Variants in STT3B observed in about 807,000 individuals in gnomAD.
The protein encoded by STT3B is STT3 oligosaccharyltransferase complex catalytic subunit B.
Under a neutral mutation model 96.8 loss-of-function variants are expected in STT3B, and 29 were observed. That is an observed-to-expected ratio of 0.30 (90% CI 0.22 to 0.41). The LOEUF (loss-of-function observed/expected upper bound fraction) is 0.41, where lower values mean the gene tolerates loss of function less well. STT3B is among the 10% of genes least tolerant of loss of function. The pLI, the probability that STT3B is intolerant of heterozygous loss-of-function variation, is 1.00. For synonymous variants in STT3B, 367 were observed against 360.0 expected, an observed-to-expected ratio of 1.02 and a Z score of -0.22; for missense variants, 640 against 1,022.3, an observed-to-expected ratio of 0.63 and a Z score of 5.10.
At chr3:31,556,686 G>A (rs1697719743) in intron 1 of STT3B, among the ~76,000 whole-genome samples, 2 of 152,088 alleles carry the variant, frequency 1.3e-5, no homozygotes, top group African/African-American at 4.8e-5. Context: ...TTGGCCATTT[G>A]TATGTCTTCT....
chr3:31,597,706 A>G (rs1698822935), intron 4 of STT3B, among the ~76,000 whole-genome samples: 1 of 151,718 alleles, frequency 6.6e-6, no homozygotes, highest in African/African-American at 2.4e-5. Flanking sequence ...CAATCCTCCT[A>G]CGTTAGCCTC....
chr3:31,559,143 T>TGGG (rs202088544), intron 1 of STT3B, among the ~76,000 whole-genome samples: 5 of 103,594 alleles, frequency 4.8e-5, no homozygotes, highest in African/African-American at 2.0e-4. Flanking sequence ...CATTGATTCT[T>TGGG]GGGGTGTGTG....
chr3:31,575,900 T>C (rs1698253739), intron 1 of STT3B, among the ~76,000 whole-genome samples: 1 of 152,120 alleles, frequency 6.6e-6, no homozygotes, highest in African/African-American at 2.4e-5. Flanking sequence ...TTCAATTTCA[T>C]TTTTTCTCAT....
At chr3:31,557,534 C>A (rs756255464) in intron 1 of STT3B, among the ~76,000 whole-genome samples, 1 of 152,100 alleles carries the variant, frequency 6.6e-6, no homozygotes, top group Non-Finnish European at 1.5e-5. Flanking sequence ...TTGTTTGTGT[C>A]CCTTTAATTC....
chr3:31,596,389 A>G (rs1324813719), intron 3 of STT3B, among the ~76,000 whole-genome samples: 2 of 152,212 alleles, frequency 1.3e-5, no homozygotes, highest in African/African-American at 4.8e-5. Flanking sequence ...GGTTCAGCCC[A>G]TTGAACTGGT....
chr3:31,533,344 G>A (rs1314793111), intron 1 of STT3B, 32 bp downstream of exon 1: 1 of 1,474,238 alleles, frequency 6.8e-7, no homozygotes, highest in African/African-American at 1.5e-5. Flanking sequence ...CCCCGCCCGT[G>A]GCCCGCGGGG....
chr3:31,550,606 G>T (rs1255683868), intron 1 of STT3B, among the ~76,000 whole-genome samples: 1 of 152,086 alleles, frequency 6.6e-6, no homozygotes, highest in Admixed American at 6.5e-5. Flanking sequence ...TTCTATCATT[G>T]TTTTCCTGCT....
intron 2 of STT3B, among the ~76,000 whole-genome samples, chr3:31,577,735 A>G (rs1470179769): frequency 6.6e-6 from 1 of 152,166 alleles, no homozygotes; most frequent in African/African-American, 2.4e-5. Flanking sequence ...TGAAGGCACA[A>G]TAGTCGTTAT....
chr3:31,572,001 ATTATT>A (rs1698155083), intron 1 of STT3B, among the ~76,000 whole-genome samples: 1 of 135,948 alleles, frequency 7.4e-6, no homozygotes. Context: ...TTAATACATA[ATTATT>A]TTATTAAACA....
rs527450750 is a variant in STT3B at position 31,551,552 on chromosome 3, A to G, written c.314+18240A>G. Among the ~76,000 whole-genome samples, 225 of 152,250 alleles carry G rather than the reference A, an allele frequency of 1.5e-3. 2 individuals are homozygous for G. Among genetic ancestry groups the G allele is most frequent in the Non-Finnish European group, 2.3e-3 (155 of 68,014 alleles). ...TTCTTTTATGCTTACGTTAGCATCCATAATTGGTCATTTCTGTTGGTGGTA... is the reference window on the plus strand; with the variant it reads ...TTCTTTTATGCTTACGTTAGCATCCGTAATTGGTCATTTCTGTTGGTGGTA... On this transcript the variant is annotated intron_variant, in intron 1 of 15. Coordinates refer to ENST00000295770, the MANE Select transcript of STT3B (RefSeq NM_178862.3).
chr3:31,546,687 T>C (rs1213337636), intron 1 of STT3B, among the ~76,000 whole-genome samples: 59 of 152,244 alleles, frequency 3.9e-4, no homozygotes, highest in Non-Finnish European at 2.9e-5. Context: ...AAAATATCTG[T>C]TCATGTCTCT....
intron 3 of STT3B, among the ~76,000 whole-genome samples, chr3:31,582,661 T>G (rs931315984): frequency 2.0e-5 from 3 of 152,126 alleles, no homozygotes; most frequent in Admixed American, 1.3e-4. Flanking sequence ...GATTTTTTTT[T>G]TTGTTTTTGA....
intron 1 of STT3B, among the ~76,000 whole-genome samples, chr3:31,541,461 T>A (rs1205711150): frequency 6.6e-6 from 1 of 151,752 alleles, no homozygotes; most frequent in Non-Finnish European, 1.5e-5. Flanking sequence ...TGTCTTTTTT[T>A]TTCTTTTTTT....
chr3:31,532,950 A>T lies in STT3B; in HGVS notation c.-49A>T. 2 of 1,546,264 alleles carry T rather than the reference A, an allele frequency of 1.3e-6. No individual in the cohort carries two copies. Among genetic ancestry groups the T allele is most frequent in the Non-Finnish European group, 1.7e-6 (2 of 1,149,572 alleles). On this transcript the variant is annotated 5_prime_UTR_variant, in exon 1 of 16. Transcript: ENST00000295770. ...GTCCCCGCCCAGCACCCCTCGCACC[A>T]GGCGGCGGCGGCGGAGGAGGAGAGC...
At chr3:31,544,554 C>T (rs1575405752) in intron 1 of STT3B, among the ~76,000 whole-genome samples, 1 of 152,192 alleles carries the variant, frequency 6.6e-6, no homozygotes. Context: ...GTAATGATCT[C>T]ACAAGATGTT....
chr3:31,636,144 C>A lies in STT3B; in HGVS notation c.*80C>A. 1 of 1,117,722 alleles carries A rather than the reference C, an allele frequency of 8.9e-7. No individual in the cohort carries two copies. Among genetic ancestry groups the A allele is most frequent in the Non-Finnish European group, 1.3e-6 (1 of 781,568 alleles). The allele number at this position is 1,117,722 out of a possible 1,614,324, so 69.2% of individuals were successfully genotyped here. On this transcript the variant is annotated 3_prime_UTR_variant, in exon 16 of 16. Coordinates refer to ENST00000295770, the MANE Select transcript of STT3B (RefSeq NM_178862.3). The stretch of plus-strand genomic sequence containing the variant: ...TGCCTTTAGCTCATGTCGTGTTTCA[C>A]AGCAAAGAGGGTACAGAACCATCAC...
chr3:31,540,850 A>G (rs1438032958), intron 1 of STT3B, among the ~76,000 whole-genome samples: 1 of 152,214 alleles, frequency 6.6e-6, no homozygotes, highest in Admixed American at 6.5e-5. Context: ...AACACAGGCC[A>G]TAAGGAGTTG....
intron 1 of STT3B, among the ~76,000 whole-genome samples, chr3:31,549,703 GATA>G (rs1172930374): frequency 9.2e-5 from 14 of 152,004 alleles, no homozygotes; most frequent in African/African-American, 3.4e-4. Flanking sequence ...GTCTAATTTA[GATA>G]ATATCTAGTA....
Position 31,596,940 on chromosome 3 carries a change from T to C in STT3B, c.777+77T>C, listed in dbSNP as rs1175531510. On this transcript the variant is annotated intron_variant, in intron 4 of 15. Coordinates refer to ENST00000295770, the MANE Select transcript of STT3B (RefSeq NM_178862.3). ...AAAACAGTTCTTTTCTCCTGAAGTCTGTAGGATTTTTATTTTGTTTAATGT... is the reference window on the plus strand; with the variant it reads ...AAAACAGTTCTTTTCTCCTGAAGTCCGTAGGATTTTTATTTTGTTTAATGT... 4 of 1,077,892 alleles carry C rather than the reference T, an allele frequency of 3.7e-6. No homozygotes were observed. In the East Asian group the frequency reaches 7.1e-5, roughly 19 times the overall value. 66.8% of individuals were successfully genotyped at this position (1,077,892 alleles called of 1,614,324 possible). A position where few individuals can be genotyped will look rare whatever the true frequency, so the allele number is the denominator to read the frequency against.
Sources: gnomAD v4.1 joint callset for allele counts (sites outside exome capture counted in the v4.1 genomes callset) on GRCh38, gnomAD v4.1.1 for gene constraint, MANE v1.5 for transcripts, NCBI Gene and HGNC (gene_info 2026-07-23, HGNC 2026-07-21) for gene names.